SERPINA10: variants seen among roughly 807,000 people sequenced by gnomAD.
SERPINA10 encodes the protein serpin family A member 10, also known as protein Z-dependent protease inhibitor.
Under a neutral mutation model 28.0 loss-of-function variants are expected in SERPINA10, and 24 were observed. The observed-to-expected ratio is 0.86, with a 90% CI of 0.62 to 1.20. The LOEUF is 1.20. Among genes scored for constraint, SERPINA10 ranks in the 50% most tolerant of loss-of-function variants. The pLI is 0.00. For missense variants in SERPINA10, 521 were observed against 537.7 expected, an observed-to-expected ratio of 0.97 and a Z score of 0.31; for synonymous variants, 207 against 203.9, an observed-to-expected ratio of 1.02 and a Z score of -0.13.
intron 2 of SERPINA10, among the ~76,000 whole-genome samples, chr14:94,288,834 T>C (rs1398190765): frequency 6.6e-6 from 1 of 152,088 alleles, no homozygotes; most frequent in East Asian, 1.9e-4. Context: ...AGCAGGGAAA[T>C]GTTTCCTAAC....
intron 4 of SERPINA10, among the ~76,000 whole-genome samples, chr14:94,284,885 T>C (rs1894983261): frequency 6.6e-6 from 1 of 152,210 alleles, no homozygotes; most frequent in African/African-American, 2.4e-5. Context: ...AGGGAGAATA[T>C]TTAATCATTT....
chr14:94,290,296 A>G lies in SERPINA10; in HGVS notation c.298T>C (p.Phe100Leu), dbSNP rs780434864. The stretch of plus-strand genomic sequence containing the variant: ...GCCAAGGACATGCCAAATGGAGAGA[A>G]GACCATGTTGCCATCGTGCCTCATG... Reference protein sequence around the residue: ...ISMRHDGNMVFSPFGMSLAMT... With the variant: ...ISMRHDGNMVLSPFGMSLAMT... Residue 100 changes from phenylalanine to leucine, a missense_variant, in exon 2 of 5, where the codon TTC becomes CTC. Coordinates refer to ENST00000261994, the MANE Select transcript of SERPINA10 (RefSeq NM_001100607.3). The G allele has an allele frequency of 3.7e-6, 6 of 1,614,250 alleles. No individual in the cohort carries two copies. In the South Asian group the frequency reaches 6.6e-5, roughly 18 times the overall value.
At chr14:94,287,349 T>C (rs1895050078) in intron 3 of SERPINA10, among the ~76,000 whole-genome samples, 2 of 152,188 alleles carry the variant, frequency 1.3e-5, no homozygotes, top group Admixed American at 6.5e-5. Flanking sequence ...TTCCAGTTGC[T>C]AAGGCCAAAA....
At position 94,290,219 on chromosome 14, in the gene SERPINA10, C is replaced by G. The variant is rs1180069515; in HGVS notation, c.375G>C (p.Lys125Asn). The G allele has an allele frequency of 1.9e-6, 3 of 1,613,532 alleles. No individual in the cohort carries two copies. The highest frequency in any genetic ancestry group is 2.5e-6 in the Non-Finnish European group (3 of 1,179,698). The change falls in exon 2 of 5, where the codon AAG becomes AAC. Residue 125 changes from lysine (K) to asparagine (N), a missense_variant. Transcript: ENST00000261994. Reference protein sequence around the residue: ...GATGPTETQIKRGLHLQALKP... With the variant: ...GATGPTETQINRGLHLQALKP... Reference sequence around the variant, plus strand: ...TCAGGGCCTGCAAGTGGAGCCCTCTCTTGATCTGGGTTTCAGTCGGCCCTG... The same window carrying G: ...TCAGGGCCTGCAAGTGGAGCCCTCTGTTGATCTGGGTTTCAGTCGGCCCTG...
chr14:94,284,242 G>T, intron 4 of SERPINA10, 86 bp from the exon 5 acceptor site: 1 of 1,206,936 alleles, frequency 8.3e-7, no homozygotes, highest in Non-Finnish European at 1.2e-6. Flanking sequence ...CTTCACAGTG[G>T]TCCTACCCAT....
rs1181447309 is a variant in SERPINA10, at chr14:94,286,580, T to TG, written c.993-323dup. ...TGCTTTCAGCAGTCCTGCAGCCTCC[T>TG]GGATGATGGCTGTTTTCAGCTCCTG... On this transcript the variant is annotated intron_variant, in intron 3 of 4. Coordinates refer to ENST00000261994, the MANE Select transcript of SERPINA10 (RefSeq NM_001100607.3). Among the ~76,000 whole-genome samples the TG allele has an allele frequency of 5.3e-5, 8 of 152,350 alleles. No homozygotes were observed. The South Asian group carries it at 6.2e-4, about 12-fold the overall frequency.
At position 94,290,327 on chromosome 14, in the gene SERPINA10, C is replaced by A; in HGVS notation, c.267G>T (p.Lys89Asn). ...TSNFGFSLLR[K>N]ISMRHDGNMV... ...TGTTGCCATCGTGCCTCATGGAGAT[C>A]TTTCGCAGCAGGCTGAATCCGAAGT... The change falls in exon 2 of 5, where the codon AAG becomes AAT. Residue 89 changes from lysine (K) to asparagine (N), a missense_variant. Coordinates refer to ENST00000261994, the MANE Select transcript of SERPINA10 (RefSeq NM_001100607.3). The A allele has an allele frequency of 9.9e-6, 16 of 1,614,242 alleles. No individual in the cohort carries two copies. Among genetic ancestry groups the A allele is most frequent in the Non-Finnish European group, 1.4e-5 (16 of 1,180,038 alleles).
In SERPINA10 at chr14:94,290,596, G is replaced by A; in HGVS notation, c.-3C>T. ...AGGAGACTTGGCACCACCTTCATGT[G>A]ATCGGCTGCGGAGGCCAAGGAGTGC... is the stretch of plus-strand genomic sequence containing the variant. On this transcript the variant is annotated 5_prime_UTR_variant, in exon 2 of 5. Coordinates refer to ENST00000261994, the MANE Select transcript of SERPINA10 (RefSeq NM_001100607.3). 6.2e-7 allele frequency: 1 copy of A among 1,613,212 alleles called. No homozygotes were observed. The highest frequency in any genetic ancestry group is 8.5e-7 in the Non-Finnish European group (1 of 1,179,852).
chr14:94,286,344 G>A, intron 3 of SERPINA10, 86 bp from the exon 4 acceptor site: 1 of 1,461,958 alleles, frequency 6.8e-7, no homozygotes, highest in South Asian at 1.1e-5. Context: ...TGTTCTTTAA[G>A]ATTATTTCCA....
In SERPINA10 at chr14:94,286,155, C is replaced by G; in HGVS notation, c.1096G>C (p.Asp366His). The G allele has an allele frequency of 1.9e-6, 3 of 1,614,138 alleles. No homozygotes were observed. Among genetic ancestry groups the G allele is most frequent in the Non-Finnish European group, 2.5e-6 (3 of 1,180,028 alleles). Residue 366 changes from aspartate (D) to histidine (H), a missense_variant, in exon 4 of 5, where the codon GAC becomes CAC. Asp to His is a moderately conservative substitution (Grantham distance 81). Coordinates refer to ENST00000261994, the MANE Select transcript of SERPINA10 (RefSeq NM_001100607.3). ...CCAGTAGCTGAGAGTTCACTAAGGT[C>G]AGCAAAGGGTGAGAAGATTCTTCTG... The part of the protein sequence containing the change: ...GIRRIFSPFA[D>H]LSELSATGRN...
In SERPINA10 at chr14:94,290,416, CCTT is replaced by C. The variant is rs747811460; in HGVS notation, c.175_177del (p.Lys59del). 4.1e-5 allele frequency: 66 copies of C among 1,614,056 alleles called. No homozygotes were observed. The African/African-American group carries it at 8.1e-4, about 20-fold the overall frequency. ...AGCCAGGCTTTCTCTTCCTCACTGGCCTTCTCCTCGCTGGCCTCCTGCTCATCT... is the reference window on the plus strand; with the variant it reads ...AGCCAGGCTTTCTCTTCCTCACTGGCCTCCTCGCTGGCCTCCTGCTCATCT... On this transcript the variant is annotated inframe_deletion, in exon 2 of 5. Transcript: ENST00000261994.
At position 94,282,175 on chromosome 14, in the gene SERPINA10, C is replaced by A. The variant is rs1894917210; in HGVS notation, c.*1790G>T. Reference sequence around the variant, plus strand: ...TCCAGGTTATGGAATGATGAAAAGTCAGTATTTAGACTGCATATTAATATT... The same window carrying A: ...TCCAGGTTATGGAATGATGAAAAGTAAGTATTTAGACTGCATATTAATATT... On this transcript the variant is annotated 3_prime_UTR_variant, in exon 5 of 5. Coordinates refer to ENST00000261994, the MANE Select transcript of SERPINA10 (RefSeq NM_001100607.3). 1 of 151,424 alleles carries A rather than the reference C, an allele frequency of 6.6e-6. No individual in the cohort carries two copies. The highest frequency in any genetic ancestry group is 2.4e-5 in the African/African-American group (1 of 41,220). The allele number at this position is 151,424 out of a possible 1,614,324, so 9.4% of individuals were successfully genotyped here.
At chr14:94,287,914 A>G (rs773919547) in intron 3 of SERPINA10, among the ~76,000 whole-genome samples, 14 of 152,314 alleles carry the variant, frequency 9.2e-5, no homozygotes, top group Non-Finnish European at 1.8e-4. Context: ...CTGCATCCTG[A>G]TGATGCTTCT....
rs956764472 is a variant in SERPINA10, at chr14:94,281,452, C to T, written c.*2513G>A. 1 of 152,232 alleles carries T rather than the reference C, an allele frequency of 6.6e-6. No homozygotes were observed. The highest frequency in any genetic ancestry group is 1.5e-5 in the Non-Finnish European group (1 of 68,172). 9.4% of individuals were successfully genotyped at this position (152,232 alleles called of 1,614,324 possible). A position where few individuals can be genotyped will look rare whatever the true frequency, so the allele number is the denominator to read the frequency against. On this transcript the variant is annotated 3_prime_UTR_variant, in exon 5 of 5. Coordinates refer to ENST00000261994, the MANE Select transcript of SERPINA10 (RefSeq NM_001100607.3). ...CTCTGTCTCAAAACAAAAACAAAAA[C>T]AAAAACAAAAACTCGACACATATAT...
chr14:94,288,760 G>A (rs557057703), intron 2 of SERPINA10, among the ~76,000 whole-genome samples: 45 of 152,118 alleles, frequency 3.0e-4, no homozygotes, highest in South Asian at 1.7e-3. Flanking sequence ...AATTTTCCCC[G>A]TCCTCTAGCC....
chr14:94,285,797 A>G (rs1595563766), intron 4 of SERPINA10, among the ~76,000 whole-genome samples: 1 of 152,182 alleles, frequency 6.6e-6, no homozygotes, highest in African/African-American at 2.4e-5. Context: ...TTCATGAACT[A>G]TTCAAGTTGT....
chr14:94,287,229 A>G (rs893567702), intron 3 of SERPINA10, among the ~76,000 whole-genome samples: 1 of 152,160 alleles, frequency 6.6e-6, no homozygotes, highest in African/African-American at 2.4e-5. Context: ...TCGTCTTGAC[A>G]TCTCAACTTG....
In SERPINA10 at chr14:94,281,440, CA is replaced by C; in HGVS notation, c.*2524del. The C allele has an allele frequency of 6.6e-6, 1 of 152,158 alleles. No homozygotes were observed. Among genetic ancestry groups the C allele is most frequent in the Non-Finnish European group, 1.5e-5 (1 of 68,114 alleles). The allele number at this position is 152,158 out of a possible 1,614,324, so 9.4% of individuals were successfully genotyped here. A position where few individuals can be genotyped will look rare whatever the true frequency, so the allele number is the denominator to read the frequency against. ...GACAGAGCAAGACTCTGTCTCAAAA[CA>C]AAAACAAAAACAAAAACAAAAACTC... On this transcript the variant is annotated 3_prime_UTR_variant, in exon 5 of 5. Coordinates refer to ENST00000261994, the MANE Select transcript of SERPINA10 (RefSeq NM_001100607.3).
chr14:94,288,607 A>G, intron 2 of SERPINA10, 48 bp from the exon 3 acceptor site: 6 of 1,611,222 alleles, frequency 3.7e-6, no homozygotes, highest in Non-Finnish European at 4.2e-6. Context: ...CTCTTTGAAA[A>G]GCATTGTTCT....
Sources: gnomAD v4.1 joint callset for allele counts (sites outside exome capture counted in the v4.1 genomes callset) on GRCh38, gnomAD v4.1.1 for gene constraint, MANE v1.5 for transcripts, NCBI Gene and HGNC (gene_info 2026-07-23, HGNC 2026-07-21) for gene names.